HDLBP: variants seen among roughly 807,000 people sequenced by gnomAD.
HDLBP encodes the protein vigilin.
Under a neutral mutation model 137.3 loss-of-function variants are expected in HDLBP, and 30 were observed. The ratio of observed to expected loss-of-function variants is 0.22; its 90% CI spans 0.16 to 0.30. HDLBP has a LOEUF of 0.30. HDLBP is among the 10% of genes least tolerant of loss of function. The probability of loss-of-function intolerance (pLI) is 1.00; values close to 1 mark genes in which losing one functional copy is unlikely to be tolerated. For synonymous variants in HDLBP, 606 were observed against 596.0 expected (o/e 1.02, Z -0.24); for missense variants, 1,119 against 1,667.3 (o/e 0.67, Z 5.73).
At chr2:241,249,701 A>G in intron 12 of HDLBP, 140 bp downstream of exon 12, 1 of 747,106 alleles carries the variant, frequency 1.3e-6, no homozygotes, top group Non-Finnish European at 2.1e-6. Flanking sequence ...GGCCCCAGGG[A>G]GTCCAATCCG....
chr2:241,304,129 C>G (rs924776586), intron 1 of HDLBP, among the ~76,000 whole-genome samples: 1 of 152,158 alleles, frequency 6.6e-6, no homozygotes, highest in Admixed American at 6.6e-5. Context: ...CCACCATGCC[C>G]GGCCAGATCA....
Position 241,233,479 on chromosome 2 carries a change from A to C in HDLBP, c.3288+341T>G, listed in dbSNP as rs2070037020. Among the ~76,000 whole-genome samples, 1 of 152,086 alleles carries C rather than the reference A, an allele frequency of 6.6e-6. No homozygotes were observed. Among genetic ancestry groups the C allele is most frequent in the Non-Finnish European group, 1.5e-5 (1 of 68,004 alleles). ...GAGGCCCAGGTGACAGGTGAATGAG[A>C]GCCCTTGGGAGCCTCAGAGAGGCCC... On this transcript the variant is annotated intron_variant, in intron 24 of 27. Coordinates refer to ENST00000310931, the MANE Select transcript of HDLBP (RefSeq NM_005336.6). The surrounding 1 kb of genome is among the most constrained non-coding windows in gnomAD (Gnocchi z 4.3).
intron 1 of HDLBP, among the ~76,000 whole-genome samples, chr2:241,285,555 C>G (rs1323003549): frequency 6.6e-6 from 1 of 152,182 alleles, no homozygotes. Flanking sequence ...CCGATCCCCA[C>G]CAGTGATGAT....
intron 1 of HDLBP, among the ~76,000 whole-genome samples, chr2:241,295,960 T>C (rs994441133): frequency 1.1e-4 from 16 of 152,128 alleles, no homozygotes; most frequent in African/African-American, 3.9e-4. Flanking sequence ...TACATTCCTG[T>C]TGTAAGCCAC....
chr2:241,279,984 A>G, intron 1 of HDLBP: 1 of 985,422 alleles, frequency 1.0e-6, no homozygotes, highest in Non-Finnish European at 1.2e-6. Flanking sequence ...TGAAGGGGTT[A>G]GGAGGAGCAG....
In HDLBP at chr2:241,242,632, T is replaced by C; in HGVS notation, c.1997A>G (p.Asn666Ser). Reference sequence around the variant, plus strand: ...ACGGCCCTTGGTGCCAATGAGGGAGTTGTGCAGCTTGGCAGGGATGGAGAC... The same window carrying C: ...ACGGCCCTTGGTGCCAATGAGGGAGCTGTGCAGCTTGGCAGGGATGGAGAC... Reference protein sequence around the residue: ...VEVSIPAKLHNSLIGTKGRLI... With the variant: ...VEVSIPAKLHSSLIGTKGRLI... Residue 666 changes from asparagine to serine, a missense_variant, in exon 17 of 28, where the codon AAC (asparagine) becomes AGC (serine). Asn to Ser is a conservative substitution (Grantham distance 46). Around this residue, in one of 4 missense-constraint regions of HDLBP, gnomAD observed 425 missense variants for 693.9 expected, o/e 0.61. Coordinates refer to ENST00000310931, the MANE Select transcript of HDLBP (RefSeq NM_005336.6). 6.2e-7 allele frequency: 1 copy of C among 1,613,828 alleles called. No individual in the cohort carries two copies. Among genetic ancestry groups the C allele is most frequent in the Non-Finnish European group, 8.5e-7 (1 of 1,179,966 alleles).
chr2:241,233,853 G>A lies in HDLBP; in HGVS notation c.3255C>T (p.Asn1085=), dbSNP rs776440975. ...CATCGTCCTTATCAGGAAACTGGAT[G>A]TTCACGTCATGCTCCAACCGGATTT... The part of the protein sequence containing the change: ...ITQIRLEHDV[N]IQFPDKDDGN... Residue 1085 remains asparagine (N), a synonymous_variant, in exon 24 of 28, where the codon AAC becomes AAT. Transcript: ENST00000310931. The surrounding 1 kb of genome is among the most constrained non-coding windows in gnomAD (Gnocchi z 4.3). 12 of 1,614,182 alleles carry A rather than the reference G, an allele frequency of 7.4e-6. No individual in the cohort carries two copies. Among genetic ancestry groups the A allele is most frequent in the Non-Finnish European group, 1.0e-5 (12 of 1,180,036 alleles).
intron 4 of HDLBP, among the ~76,000 whole-genome samples, chr2:241,263,819 C>A (rs1574961876): frequency 6.6e-6 from 1 of 152,122 alleles, no homozygotes; most frequent in Non-Finnish European, 1.5e-5. Flanking sequence ...GAACAGAAAA[C>A]AGGACCCATT....
intron 2 of HDLBP, among the ~76,000 whole-genome samples, chr2:241,267,174 G>A (rs1174197551): frequency 6.6e-6 from 1 of 151,262 alleles, no homozygotes; most frequent in South Asian, 2.1e-4. Flanking sequence ...AATGATCTTG[G>A]GACACACATA....
intron 1 of HDLBP, among the ~76,000 whole-genome samples, chr2:241,287,353 C>A (rs1559545233): frequency 1.3e-5 from 2 of 152,182 alleles, no homozygotes; most frequent in African/African-American, 2.4e-5. Context: ...CCGTGATCCA[C>A]CCGCCTGTCT....
chr2:241,243,354 G>A (rs775425065), intron 16 of HDLBP, among the ~76,000 whole-genome samples: 1 of 152,212 alleles, frequency 6.6e-6, no homozygotes, highest in Non-Finnish European at 1.5e-5. Flanking sequence ...ATCCCCAGAA[G>A]GATCACAGGA....
Position 241,230,815 on chromosome 2 carries a change from C to T in HDLBP, c.3418G>A (p.Ala1140Thr), listed in dbSNP as rs2069656321. The change falls in exon 25 of 28, where the codon GCC (alanine) becomes ACC (threonine). Residue 1140 changes from alanine to threonine, a missense_variant. By Grantham distance (58) the Ala-to-Thr change is moderately conservative. Coordinates refer to ENST00000310931, the MANE Select transcript of HDLBP (RefSeq NM_005336.6). The surrounding 1 kb of genome is among the most constrained non-coding windows in gnomAD (Gnocchi z 5.0). ...EDVPLDHRVH[A>T]RIIGARGKAI... ...TTGCCGCGGGCACCAATGATGCGGGCGTGAACGCGGTGGTCCAGCGGGACG... is the reference window on the plus strand; with the variant it reads ...TTGCCGCGGGCACCAATGATGCGGGTGTGAACGCGGTGGTCCAGCGGGACG... 1 of 1,614,236 alleles carries T rather than the reference C, an allele frequency of 6.2e-7. No individual in the cohort carries two copies. The highest frequency in any genetic ancestry group is 8.5e-7 in the Non-Finnish European group (1 of 1,180,040).
chr2:241,260,825 C>G (rs1383821815), intron 5 of HDLBP, among the ~76,000 whole-genome samples: 1 of 152,132 alleles, frequency 6.6e-6, no homozygotes, highest in Non-Finnish European at 1.5e-5. Context: ...GATCTAACAC[C>G]AGTTCACCAA....
At chr2:241,268,874 T>C (rs1455963598) in intron 1 of HDLBP, 2 of 152,244 alleles carry the variant, frequency 1.3e-5, no homozygotes, top group Non-Finnish European at 2.9e-5. Context: ...CTCTCCTGCA[T>C]GGCTGGATCA....
chr2:241,263,325 A>G (rs2073356068), intron 4 of HDLBP, among the ~76,000 whole-genome samples: 1 of 152,340 alleles, frequency 6.6e-6, no homozygotes, highest in African/African-American at 2.4e-5. Context: ...GAGGAGGTGG[A>G]TGGGGGCGGA....
At chr2:241,282,664 T>A (rs1275776081) in intron 1 of HDLBP, among the ~76,000 whole-genome samples, 1 of 152,218 alleles carries the variant, frequency 6.6e-6, no homozygotes, top group Non-Finnish European at 1.5e-5. Flanking sequence ...TTCATTGTCA[T>A]TGTATCTGTT....
At chr2:241,260,885 A>G (rs1350008955) in intron 5 of HDLBP, among the ~76,000 whole-genome samples, 1 of 152,108 alleles carries the variant, frequency 6.6e-6, no homozygotes, top group Admixed American at 6.5e-5. Flanking sequence ...CCACTAATCA[A>G]TGGCATTAAA....
chr2:241,240,188 GAGGGTCTGT>G lies in HDLBP; in HGVS notation c.2170-75_2170-67del. 6.6e-7 allele frequency: 1 copy of G among 1,510,450 alleles called. No homozygotes were observed. The highest frequency in any genetic ancestry group is 9.2e-7 in the Non-Finnish European group (1 of 1,085,752). The allele number at this position is 1,510,450 out of a possible 1,614,324, so 93.6% of individuals were successfully genotyped here. A position where few individuals can be genotyped will look rare whatever the true frequency, so the allele number is the denominator to read the frequency against. On this transcript the variant is annotated intron_variant, in intron 17 of 27. Coordinates refer to ENST00000310931, the MANE Select transcript of HDLBP (RefSeq NM_005336.6). This position sits in a 1 kb window ranked among gnomAD's most constrained non-coding sequence, Gnocchi z 5.5. ...GCCTGGACCACAGTGAGGAAGACAA[GAGGGTCTGT>G]AGGACAGCAAGCTCGGGCTCCCCTT...
chr2:241,262,943 A>G lies in HDLBP; in HGVS notation c.235-17T>C, dbSNP rs2149520979. 1 of 1,592,500 alleles carries G rather than the reference A, an allele frequency of 6.3e-7. No homozygotes were observed. Among genetic ancestry groups the G allele is most frequent in the Non-Finnish European group, 8.6e-7 (1 of 1,160,580 alleles). Reference sequence around the variant, plus strand: ...ATGGAACACCTGCTCAAAAAAGATCAAAAAAGGAAAGGTTAAGAGATTAAA... The same window carrying G: ...ATGGAACACCTGCTCAAAAAAGATCGAAAAAGGAAAGGTTAAGAGATTAAA... On this transcript the variant is annotated splice_polypyrimidine_tract_variant and intron_variant, in intron 4 of 27. Transcript: ENST00000310931.
Sources: allele counts gnomAD v4.1 joint callset (sites outside exome capture counted in the v4.1 genomes callset), GRCh38; gene constraint gnomAD v4.1.1; regional missense constraint gnomAD v4.1.1; non-coding constraint Gnocchi (gnomAD v3.1); transcripts MANE v1.5; gene names NCBI Gene and HGNC (gene_info 2026-07-23, HGNC 2026-07-21).